Variants in TMEM260 observed in about 807,000 individuals in gnomAD.
The protein encoded by TMEM260 is transmembrane protein 260.
In TMEM260, 82 loss-of-function variants were observed where a neutral mutation model predicts 88.9. The ratio of observed to expected loss-of-function variants is 0.92; its 90% confidence interval spans 0.77 to 1.11. The LOEUF is 1.11. TMEM260 is among the 50% of genes least tolerant of loss of function. The pLI is 0.00. For missense variants in TMEM260, 902 were observed against 853.4 expected (o/e 1.06, Z -0.71); for synonymous variants, 314 against 309.3 (o/e 1.02, Z -0.16).
At chr14:56,620,934 C>T (rs1170973849) in intron 10 of TMEM260, among the ~76,000 whole-genome samples, 7 of 152,064 alleles carry the variant, frequency 4.6e-5, no homozygotes, top group Admixed American at 4.6e-4. Flanking sequence ...CAAATAATGC[C>T]TGGAGAGAAG....
intron 15 of TMEM260, among the ~76,000 whole-genome samples, chr14:56,640,415 A>G (rs1321583130): frequency 6.6e-6 from 1 of 152,190 alleles, no homozygotes; most frequent in Non-Finnish European, 1.5e-5. Context: ...GCAAACTCCA[A>G]AAGACCTGCA....
chr14:56,636,118 G>A (rs541507174), intron 14 of TMEM260, among the ~76,000 whole-genome samples: 1 of 152,230 alleles, frequency 6.6e-6, no homozygotes, highest in South Asian at 2.1e-4. Context: ...CTAAGGGTCT[G>A]GCCACCTTGG....
In TMEM260 at chr14:56,579,959, A is replaced by C. The variant is rs1310752959; in HGVS notation, c.45A>C (p.Ala15=). 1.6e-6 allele frequency: 2 copies of C among 1,240,302 alleles called. No homozygotes were observed. Among genetic ancestry groups the C allele is most frequent in the Non-Finnish European group, 2.0e-6 (2 of 988,634 alleles). The allele number at this position is 1,240,302 out of a possible 1,614,324, so 76.8% of individuals were successfully genotyped here. ...GCAGGGGCCAGGCCCAGGGGCGGGC[A>C]GTCCGAGTGGGGCTGCGGCGCTCCG... The part of the protein sequence containing the change: ...GDGRGQAQGR[A]VRVGLRRSGG... The change falls in exon 1 of 16, where the codon GCA becomes GCC. Residue 15 remains alanine (A), a synonymous_variant. Transcript: ENST00000261556.
In TMEM260 at chr14:56,648,729, A is replaced by G. The variant is rs1169112820; in HGVS notation, c.*1232A>G. 6.6e-6 allele frequency: 1 copy of G among 152,584 alleles called. No individual in the cohort carries two copies. Among genetic ancestry groups the G allele is most frequent in the African/African-American group, 2.4e-5 (1 of 41,398 alleles). 9.5% of individuals were successfully genotyped at this position (152,584 alleles called of 1,614,324 possible). On this transcript the variant is annotated 3_prime_UTR_variant, in exon 16 of 16. Coordinates refer to ENST00000261556, the MANE Select transcript of TMEM260 (RefSeq NM_017799.4). ...TACTACGACCATAATTAAAACCACTAATTCTCTTTTAAAATGCTGCAGGAT... is the reference window on the plus strand; with the variant it reads ...TACTACGACCATAATTAAAACCACTGATTCTCTTTTAAAATGCTGCAGGAT...
chr14:56,637,169 A>C (rs1306020757), intron 15 of TMEM260, among the ~76,000 whole-genome samples: 2 of 152,206 alleles, frequency 1.3e-5, no homozygotes, highest in Non-Finnish European at 2.9e-5. Flanking sequence ...TCTCACCTTC[A>C]GAAGTGTGAG....
At chr14:56,609,402 G>T in intron 6 of TMEM260, 117 bp downstream of exon 6, 1 of 967,532 alleles carries the variant, frequency 1.0e-6, no homozygotes, top group Non-Finnish European at 1.5e-6. Flanking sequence ...TGTTTGTTTT[G>T]GTTATTTATG....
intron 15 of TMEM260, among the ~76,000 whole-genome samples, chr14:56,643,729 T>C (rs1418721752): frequency 6.6e-6 from 1 of 152,226 alleles, no homozygotes; most frequent in East Asian, 1.9e-4. Context: ...TGTCCCTGTT[T>C]GCAGATGACA....
chr14:56,647,148 T>G, intron 15 of TMEM260, 95 bp from the exon 16 acceptor site: 1 of 1,389,856 alleles, frequency 7.2e-7, no homozygotes, highest in South Asian at 1.5e-5. Context: ...TTGAATTTTT[T>G]TTTCTTGTTA....
intron 3 of TMEM260, among the ~76,000 whole-genome samples, chr14:56,600,288 A>T (rs1237229697): frequency 6.6e-6 from 1 of 152,168 alleles, no homozygotes; most frequent in South Asian, 2.1e-4. Context: ...TTTGCGCAAG[A>T]CTAGGAGAAC....
intron 12 of TMEM260, 115 bp from the exon 13 acceptor site, chr14:56,632,880 A>T: frequency 1.0e-6 from 1 of 969,340 alleles, no homozygotes; most frequent in East Asian, 2.6e-5. Context: ...TTCCAAAATC[A>T]TATAGGTAAT....
Position 56,633,082 on chromosome 14 carries a change from C to T in TMEM260, c.1635C>T (p.Asp545=), listed in dbSNP as rs769987148. 7 of 1,613,816 alleles carry T rather than the reference C, an allele frequency of 4.3e-6. No homozygotes were observed. In the South Asian group the frequency reaches 5.5e-5, roughly 13 times the overall value. Residue 545 remains aspartate, a synonymous_variant, in exon 13 of 16, where the codon GAC becomes GAT. Transcript: ENST00000261556. ...NYSLWPWGSC[D]KLVPLEIVFN... is the part of the protein sequence containing the mutation. Reference sequence around the variant, plus strand: ...CACTTTGGCCATGGGGGTCTTGTGACAAATTAGTTCCTTTGGAGATTGTAT... The same window carrying T: ...CACTTTGGCCATGGGGGTCTTGTGATAAATTAGTTCCTTTGGAGATTGTAT...
intron 12 of TMEM260, among the ~76,000 whole-genome samples, chr14:56,630,982 T>A (rs74052080): frequency 0.047 from 7,170 of 152,174 alleles, 427 homozygotes; most frequent in African/African-American, 0.14. Flanking sequence ...GGCGAGTGTG[T>A]GAGTTACTGG....
At chr14:56,580,778 A>G (rs988195659) in intron 1 of TMEM260, among the ~76,000 whole-genome samples, 1 of 152,260 alleles carries the variant, frequency 6.6e-6, no homozygotes, top group Non-Finnish European at 1.5e-5. Context: ...ATTTGATGCA[A>G]GAAACAAGAT....
intron 3 of TMEM260, 94 bp from the exon 4 acceptor site, chr14:56,603,721 C>A: frequency 7.5e-7 from 1 of 1,341,388 alleles, no homozygotes. Context: ...TGCTGGGTGA[C>A]TATCATAATT....
downstream of TMEM260, among the ~76,000 whole-genome samples, chr14:56,654,114 C>G (rs538240675): frequency 1.5e-3 from 223 of 152,254 alleles, 2 homozygotes; most frequent in African/African-American, 5.0e-3. Context: ...TTCCCCCTCT[C>G]CTTCAACCCT....
At chr14:56,620,756 G>C (rs1887866321) in intron 10 of TMEM260, among the ~76,000 whole-genome samples, 1 of 152,140 alleles carries the variant, frequency 6.6e-6, no homozygotes, top group Non-Finnish European at 1.5e-5. Flanking sequence ...CAAATGTAAT[G>C]GACTTGGTAA....
At chr14:56,639,432 C>T (rs988189658) in intron 15 of TMEM260, among the ~76,000 whole-genome samples, 3 of 152,154 alleles carry the variant, frequency 2.0e-5, no homozygotes, top group Non-Finnish European at 2.9e-5. Context: ...TAAATATATA[C>T]ACCAACTGTG....
chr14:56,656,271 T>C, the TMEM260 span, among the ~76,000 whole-genome samples: 8 of 152,028 alleles, frequency 5.3e-5, no homozygotes, highest in African/African-American at 1.9e-4. Flanking sequence ...TTTTTAAAAA[T>C]TGCCAAGCAT....
chr14:56,639,949 A>C (rs1037230882), intron 15 of TMEM260, among the ~76,000 whole-genome samples: 5 of 152,294 alleles, frequency 3.3e-5, no homozygotes, highest in East Asian at 3.9e-4. Flanking sequence ...GGTGCCCGCC[A>C]TTGCTGAGGC....
Sources: gnomAD v4.1 joint callset for allele counts (sites outside exome capture counted in the v4.1 genomes callset) on GRCh38, gnomAD v4.1.1 for gene constraint, MANE v1.5 for transcripts, NCBI Gene and HGNC (gene_info 2026-07-23, HGNC 2026-07-21) for gene names.